The following CHD1 variants were observed in gnomAD, a reference collection of about 807,000 sequenced individuals.
CHD1 encodes the protein ATP-dependent chromatin remodeler CHD1.
A neutral mutation model predicts 224.2 loss-of-function variants in CHD1; 36 were observed. The observed-to-expected ratio is 0.16, with a 90% CI of 0.12 to 0.21. The LOEUF (loss-of-function observed/expected upper bound fraction) is 0.21. CHD1 is among the 10% of genes least tolerant of loss of function. The probability of loss-of-function intolerance (pLI) is 1.00; values close to 1 mark genes in which losing one functional copy is unlikely to be tolerated. For missense variants in CHD1, 1,378 were observed against 1,994.8 expected, an observed-to-expected ratio of 0.69 and a Z score of 5.89; for synonymous variants, 668 against 658.3, an observed-to-expected ratio of 1.01 and a Z score of -0.23.
chr5:98,858,142 T>C (rs754958217), intron 35 of CHD1, 38 bp downstream of exon 35: 2 of 1,552,230 alleles, frequency 1.3e-6, no homozygotes, highest in East Asian at 2.2e-5. Flanking sequence ...GAGAAAAACA[T>C]GCATAAGCAA....
rs1561503046 is a variant in CHD1, at chr5:98,881,210, C to T, written c.2965-39G>A. On this transcript the variant is annotated intron_variant, in intron 21 of 35. Transcript: ENST00000614616. The stretch of plus-strand genomic sequence containing the variant: ...GACAATATTTAAATATACTTGAATC[C>T]TTTCATCCTGTCAAATATATGACAC... The T allele has an allele frequency of 2.8e-6, 4 of 1,438,432 alleles. No individual in the cohort carries two copies. The South Asian group carries it at 3.8e-5, about 14-fold the overall frequency. 89.1% of individuals were successfully genotyped at this position (1,438,432 alleles called of 1,614,324 possible). A position where few individuals can be genotyped will look rare whatever the true frequency, so the allele number is the denominator to read the frequency against.
At chr5:98,917,695 G>C (rs952655933) in intron 2 of CHD1, among the ~76,000 whole-genome samples, 2 of 152,186 alleles carry the variant, frequency 1.3e-5, no homozygotes, top group Non-Finnish European at 2.9e-5. Flanking sequence ...AATTCCAGAA[G>C]TCAGTACTGT....
At chr5:98,886,957 T>C (rs1750691761) in intron 17 of CHD1, among the ~76,000 whole-genome samples, 1 of 152,020 alleles carries the variant, frequency 6.6e-6, no homozygotes, top group African/African-American at 2.4e-5. Flanking sequence ...ATGTACACAA[T>C]AATTTGTTTA....
At chr5:98,856,817 A>G (rs1748068630) in intron 35 of CHD1, 92 bp from the exon 36 acceptor site, 1 of 835,772 alleles carries the variant, frequency 1.2e-6, no homozygotes, top group Admixed American at 2.9e-5. Context: ...AATACCTTAA[A>G]ACATGTTTTT....
intron 2 of CHD1, among the ~76,000 whole-genome samples, chr5:98,905,653 T>A (rs1411841174): frequency 9.2e-5 from 14 of 152,336 alleles, no homozygotes. Context: ...TAATTTATTT[T>A]AAAAAATCAG....
intron 18 of CHD1, among the ~76,000 whole-genome samples, chr5:98,885,033 G>A (rs969687564): frequency 6.6e-6 from 1 of 151,864 alleles, no homozygotes; most frequent in Admixed American, 6.6e-5. Context: ...TGCCCAATCT[G>A]GCTAATTTAT....
Position 98,897,259 on chromosome 5 carries a change from T to A in CHD1, c.1427A>T (p.His476Leu). 4 of 1,612,486 alleles carry A rather than the reference T, an allele frequency of 2.5e-6. No individual in the cohort carries two copies. The highest frequency in any genetic ancestry group is 3.4e-6 in the Non-Finnish European group (4 of 1,178,748). Residue 476 changes from histidine to leucine, a missense_variant, in exon 11 of 36, where the codon CAT becomes CTT. Transcript: ENST00000614616. ...LKKQPSYIGG[H>L]EGLELRDYQL... ...ATAATCTCTTAATTCTAAGCCCTCA[T>A]GTCCTCCAATATAGGATGGCTGCTT... is the stretch of plus-strand genomic sequence containing the variant.
chr5:98,881,643 G>A (rs1164882711), intron 20 of CHD1, among the ~76,000 whole-genome samples: 1 of 151,914 alleles, frequency 6.6e-6, no homozygotes, highest in Non-Finnish European at 1.5e-5. Flanking sequence ...CTGAGTAGCT[G>A]GGACTACAGT....
chr5:98,867,840 C>T (rs1175741272), intron 31 of CHD1, among the ~76,000 whole-genome samples: 4 of 122,610 alleles, frequency 3.3e-5, no homozygotes, highest in African/African-American at 9.0e-5. Flanking sequence ...TCACTGTTGT[C>T]GGCCCGGGCT....
intron 31 of CHD1, among the ~76,000 whole-genome samples, chr5:98,866,705 T>A (rs1269053481): frequency 6.6e-6 from 1 of 152,164 alleles, no homozygotes; most frequent in African/African-American, 2.4e-5. Context: ...TATATTTATA[T>A]ATAAATTTGT....
Position 98,879,714 on chromosome 5 carries a change from T to C in CHD1, c.3075A>G (p.Ser1025=), listed in dbSNP as rs776678634. The change falls in exon 23 of 36, where the codon TCA becomes TCG. Residue 1025 remains serine, a synonymous_variant. Coordinates refer to ENST00000614616, the MANE Select transcript of CHD1 (RefSeq NM_001270.4). ...LLSQFKVANF[S]NMDEDDIELE... is the part of the protein sequence containing the mutation. ...ACTCAATGTCATCCTCATCCATATT[T>C]GAGAAGTTGGCAACCTGATAAATTT... The C allele has an allele frequency of 1.3e-6, 2 of 1,593,554 alleles. No individual in the cohort carries two copies. The highest frequency in any genetic ancestry group is 2.3e-5 in the South Asian group (2 of 86,170).
Position 98,883,256 on chromosome 5 carries a change from T to C in CHD1, c.2569-19A>G, listed in dbSNP as rs760196816. 3.9e-6 allele frequency: 6 copies of C among 1,540,332 alleles called. No individual in the cohort carries two copies. In the East Asian group the frequency reaches 1.4e-4, roughly 35 times the overall value. On this transcript the variant is annotated intron_variant, in intron 18 of 35. Transcript: ENST00000614616. ...AAAAATCCTGTAAGAAATTGAATAATCAAAATGAAAAATTTTTCAATTGAT... is the reference window on the plus strand; with the variant it reads ...AAAAATCCTGTAAGAAATTGAATAACCAAAATGAAAAATTTTTCAATTGAT...
intron 12 of CHD1, 94 bp downstream of exon 12, chr5:98,896,132 G>C (rs1003539383): frequency 1.9e-6 from 2 of 1,048,770 alleles, no homozygotes; most frequent in Non-Finnish European, 2.9e-6. Flanking sequence ...TCCAGCCTGG[G>C]AGACAGAGTG....
At chr5:98,925,014 G>A (rs1201238362) in intron 2 of CHD1, among the ~76,000 whole-genome samples, 1 of 151,486 alleles carries the variant, frequency 6.6e-6, no homozygotes, top group African/African-American at 2.4e-5. Context: ...CCAAGTTTCA[G>A]ATCAAATACA....
chr5:98,910,903 GAT>G (rs904783667), intron 2 of CHD1, among the ~76,000 whole-genome samples: 15 of 151,694 alleles, frequency 9.9e-5, no homozygotes, highest in Non-Finnish European at 1.6e-4. Flanking sequence ...GCCCTCTGCA[GAT>G]ATCTTTTTTA....
Position 98,902,892 on chromosome 5 carries a change from T to A in CHD1, c.437+8A>T, listed in dbSNP as rs536139798. 6.4e-7 allele frequency: 1 copy of A among 1,559,538 alleles called. No individual in the cohort carries two copies. The highest frequency in any genetic ancestry group is 1.1e-5 in the South Asian group (1 of 87,626). ...AAATGAAGTAGTCAGTTGAACAAAA[T>A]GACATACTCTTTATGCTTTTTCCTT... On this transcript the variant is annotated splice_region_variant and intron_variant, in intron 5 of 35. Transcript: ENST00000614616.
In CHD1 at chr5:98,863,633, A is replaced by C. The variant is rs745759312; in HGVS notation, c.4249-47T>G. On this transcript the variant is annotated intron_variant, in intron 31 of 35. Transcript: ENST00000614616. ...ATATAAACACATGTATTAAAAACCTAAATTCAACAAGGTCTACCTCCTTCA... is the reference window on the plus strand; with the variant it reads ...ATATAAACACATGTATTAAAAACCTCAATTCAACAAGGTCTACCTCCTTCA... 34 of 1,352,764 alleles carry C rather than the reference A, an allele frequency of 2.5e-5. No homozygotes were observed. In the South Asian group the frequency reaches 4.4e-4, roughly 18 times the overall value. The allele number at this position is 1,352,764 out of a possible 1,614,324, so 83.8% of individuals were successfully genotyped here.
chr5:98,898,213 A>G, intron 10 of CHD1, 43 bp downstream of exon 10: 4 of 1,074,374 alleles, frequency 3.7e-6, no homozygotes, highest in Non-Finnish European at 5.0e-6. Context: ...TTTATAATGT[A>G]TAAATATATT....
chr5:98,923,010 T>C (rs1394728607), intron 2 of CHD1, among the ~76,000 whole-genome samples: 1 of 152,098 alleles, frequency 6.6e-6, no homozygotes, highest in Non-Finnish European at 1.5e-5. Context: ...AAAAAATTAC[T>C]CTATATTAAT....
Sources: gnomAD v4.1 joint callset for allele counts (sites outside exome capture counted in the v4.1 genomes callset) on GRCh38, gnomAD v4.1.1 for gene constraint, MANE v1.5 for transcripts, NCBI Gene and HGNC (gene_info 2026-07-23, HGNC 2026-07-21) for gene names.